SLC6A3: variants seen among roughly 807,000 people sequenced by gnomAD.
SLC6A3 encodes the protein solute carrier family 6 member 3, also known as sodium-dependent dopamine transporter.
SLC6A3 carries 19 observed loss-of-function variants against 70.4 expected under a neutral mutation model. The ratio of observed to expected loss-of-function variants is 0.27; its 90% CI spans 0.19 to 0.40. SLC6A3 has a LOEUF of 0.40. SLC6A3 is among the 10% of genes least tolerant of loss of function. SLC6A3 has a pLI of 1.00. For synonymous variants in SLC6A3, 368 were observed against 356.6 expected, an observed-to-expected ratio of 1.03 and a Z score of -0.36; for missense variants, 613 against 838.5, an observed-to-expected ratio of 0.73 and a Z score of 3.32.
chr5:1,409,983 GT>G (rs1285414507), intron 9 of SLC6A3, 134 bp from the exon 10 acceptor site: 1 of 1,126,416 alleles, frequency 8.9e-7, no homozygotes, highest in Non-Finnish European at 1.3e-6. Flanking sequence ...GCCGTCCAGG[GT>G]GCAGGATGCC....
chr5:1,414,351 G>C (rs572793759), intron 8 of SLC6A3, among the ~76,000 whole-genome samples: 2 of 125,604 alleles, frequency 1.6e-5, no homozygotes, highest in Non-Finnish European at 3.5e-5. Context: ...AGGTTCCCCA[G>C]CCCAGGGTGG....
chr5:1,441,041 G>A (rs888786583), intron 3 of SLC6A3, among the ~76,000 whole-genome samples: 2 of 152,226 alleles, frequency 1.3e-5, no homozygotes, highest in East Asian at 1.9e-4. Context: ...GATGATTGAC[G>A]GATGGACCGA....
rs28363150 is a variant in SLC6A3 at position 1,400,730 on chromosome 5, C to T, written c.1839+185G>A. 0.015 allele frequency among the ~76,000 whole-genome samples: 2,321 copies of T among 152,288 alleles called. 33 individuals are homozygous for T. The highest frequency in any genetic ancestry group is 0.037 in the Middle Eastern group (11 of 294). ...CAGGGCCCCTGCGTCATGTGCCCCC[C>T]GTCCCGGGCACACGTCTCCACTGTC... is the stretch of plus-strand genomic sequence containing the variant. On this transcript the variant is annotated intron_variant, in intron 14 of 14. Transcript: ENST00000270349.
chr5:1,418,259 A>C (rs37020), intron 6 of SLC6A3, among the ~76,000 whole-genome samples: 80,647 of 152,000 alleles, frequency 0.53, 22,140 homozygotes, highest in South Asian at 0.67. Flanking sequence ...CCAGTGCCAC[A>C]CCAGAGCCAG....
chr5:1,419,936 T>G (rs1165512722), intron 6 of SLC6A3, among the ~76,000 whole-genome samples: 1 of 152,074 alleles, frequency 6.6e-6, no homozygotes. Context: ...TCCTTCCCAC[T>G]TCTGCCTTGG....
intron 6 of SLC6A3, chr5:1,416,627 C>A: frequency 3.0e-6 from 1 of 329,074 alleles, no homozygotes; most frequent in Non-Finnish European, 5.9e-6. Flanking sequence ...ACAGCACGGA[C>A]TCACCCACAC....
intron 6 of SLC6A3, among the ~76,000 whole-genome samples, chr5:1,419,063 C>T (rs1310778879): frequency 6.6e-6 from 1 of 150,624 alleles, no homozygotes; most frequent in Non-Finnish European, 1.5e-5. Flanking sequence ...ATCATCCATC[C>T]ATTATCCATC....
In SLC6A3 at chr5:1,436,468, C is replaced by T. The variant is rs1005824690; in HGVS notation, c.419-3770G>A. On this transcript the variant is annotated intron_variant, in intron 3 of 14. Transcript: ENST00000270349. The surrounding 1 kb of genome is among the most constrained non-coding windows in gnomAD (Gnocchi z 5.2). ...AGGGAAAACATTCATGAGAACATGGCGCTTCCCTTCCCTCCTGTCTGACTC... is the reference window on the plus strand; with the variant it reads ...AGGGAAAACATTCATGAGAACATGGTGCTTCCCTTCCCTCCTGTCTGACTC... Among the ~76,000 whole-genome samples the T allele has an allele frequency of 3.9e-5, 6 of 152,180 alleles. No individual in the cohort carries two copies. The highest frequency in any genetic ancestry group is 5.9e-5 in the Non-Finnish European group (4 of 68,032).
rs1756836334 is a variant in SLC6A3, at chr5:1,436,377, C to A, written c.419-3679G>T. Among the ~76,000 whole-genome samples the A allele has an allele frequency of 6.6e-6, 1 of 152,160 alleles. No individual in the cohort carries two copies. The highest frequency in any genetic ancestry group is 6.5e-5 in the Admixed American group (1 of 15,272). Reference sequence around the variant, plus strand: ...CTTCACCTGACACATTTCTTAAACACCATTTAGTGACACGGGAGACTGTCT... The same window carrying A: ...CTTCACCTGACACATTTCTTAAACAACATTTAGTGACACGGGAGACTGTCT... On this transcript the variant is annotated intron_variant, in intron 3 of 14. Transcript: ENST00000270349. This position sits in a 1 kb window ranked among gnomAD's most constrained non-coding sequence, Gnocchi z 5.2.
rs148404264 is a variant in SLC6A3 at position 1,428,485 on chromosome 5, C to T, written c.653+3979G>A. ...CTGTGTTGGGGTTTTGAAATGAAAA[C>T]ACAGCATATCAAATGTGTGGGATGC... is the stretch of plus-strand genomic sequence containing the variant. On this transcript the variant is annotated intron_variant, in intron 4 of 14. Coordinates refer to ENST00000270349, the MANE Select transcript of SLC6A3 (RefSeq NM_001044.5). Among the ~76,000 whole-genome samples, 247 of 152,278 alleles carry T rather than the reference C, an allele frequency of 1.6e-3. 1 individual carries two copies. The highest frequency in any genetic ancestry group is 2.9e-3 in the Non-Finnish European group (194 of 68,020).
At chr5:1,416,418 TG>T in intron 6 of SLC6A3, 1 of 611,130 alleles carries the variant, frequency 1.6e-6, no homozygotes, top group East Asian at 2.8e-5. Flanking sequence ...AGCAGGGGGC[TG>T]TCTGTGTTCA....
rs1755885971 is a variant in SLC6A3, at chr5:1,402,986, G to A, written c.1703C>T (p.Ser568Phe). The change falls in exon 13 of 15, where the codon TCC becomes TTC. Residue 568 changes from serine (S) to phenylalanine (F), a missense_variant. Ser to Phe is a radical substitution (Grantham distance 155, BLOSUM62 -2). Around this residue, in one of 4 missense-constraint regions of SLC6A3, gnomAD observed 348 missense variants for 481.2 expected, o/e 0.72. Coordinates refer to ENST00000270349, the MANE Select transcript of SLC6A3 (RefSeq NM_001044.5). The surrounding 1 kb of genome is among the most constrained non-coding windows in gnomAD (Gnocchi z 8.5). The part of the protein sequence containing the change: ...NALGWVIATS[S>F]MAMVPIYAAY... The stretch of plus-strand genomic sequence containing the variant: ...CGCATAGATGGGCACCATGGCCATG[G>A]AGGATGTGGCGATGACCCAGCCCAG... The A allele has an allele frequency of 6.2e-7, 1 of 1,614,128 alleles. No individual in the cohort carries two copies. The highest frequency in any genetic ancestry group is 8.5e-7 in the Non-Finnish European group (1 of 1,180,026).
rs1437229333 is a variant in SLC6A3 at position 1,442,934 on chromosome 5, G to A, written c.264C>T (p.Tyr88=). The A allele has an allele frequency of 1.9e-6, 3 of 1,614,222 alleles. No homozygotes were observed. The highest frequency in any genetic ancestry group is 2.2e-5 in the East Asian group (1 of 44,874). Residue 88 remains tyrosine (Y), a synonymous_variant, in exon 2 of 15, where the codon TAC becomes TAT. Transcript: ENST00000270349. The surrounding 1 kb of genome is among the most constrained non-coding windows in gnomAD (Gnocchi z 5.0). ...VDLANVWRFP[Y]LCYKNGGGAF... ...TACCGCCACCATTTTTGTAGCACAG[G>A]TAGGGGAACCGCCAGACGTTGGCCA...
chr5:1,431,148 G>A (rs1397396550), intron 4 of SLC6A3, among the ~76,000 whole-genome samples: 2 of 152,232 alleles, frequency 1.3e-5, no homozygotes, highest in South Asian at 2.1e-4. Context: ...CCCCAGGCCC[G>A]GCTGGCGAGG....
chr5:1,441,549 G>T lies in SLC6A3; in HGVS notation c.287-59C>A, dbSNP rs193138805. ...CTCGGAAGGGCCCATCTCTCCTCGT[G>T]GGAGCTTGGGCGGCTACCCCAGTCA... On this transcript the variant is annotated intron_variant, in intron 2 of 14. Transcript: ENST00000270349. 4.7e-4 allele frequency: 749 copies of T among 1,589,934 alleles called. 4 individuals are homozygous for T. In the African/African-American group the frequency reaches 6.8e-3, roughly 14 times the overall value.
chr5:1,417,349 C>T (rs1560915244), intron 6 of SLC6A3, among the ~76,000 whole-genome samples: 1 of 152,222 alleles, frequency 6.6e-6, no homozygotes, highest in African/African-American at 2.4e-5. Context: ...GATGGCAGCA[C>T]CCTGATAACC....
chr5:1,422,946 G>A (rs1196653734), intron 4 of SLC6A3, among the ~76,000 whole-genome samples: 4 of 61,684 alleles, frequency 6.5e-5, no homozygotes, highest in Non-Finnish European at 5.6e-5. Context: ...TGCTGCCCAC[G>A]CTGCTGGGTG....
Position 1,435,186 on chromosome 5 carries a change from C to T in SLC6A3, c.419-2488G>A, listed in dbSNP as rs115238741. ...AAATAATTCTATATTACCGTCTGTC[C>T]GGAGTCCCTTAGGAGAGAGGCTGGG... On this transcript the variant is annotated intron_variant, in intron 3 of 14. Transcript: ENST00000270349. Among the ~76,000 whole-genome samples the T allele has an allele frequency of 4.1e-3, 629 of 152,300 alleles. 9 individuals carry two copies. The highest frequency in any genetic ancestry group is 0.014 in the African/African-American group (592 of 41,560).
intron 3 of SLC6A3, among the ~76,000 whole-genome samples, chr5:1,435,211 G>A (rs72763595): frequency 6.6e-6 from 1 of 152,216 alleles, no homozygotes; most frequent in South Asian, 2.1e-4. Context: ...GAGAGGCTGG[G>A]TTGTGATCCA....
Sources: allele counts gnomAD v4.1 joint callset (sites outside exome capture counted in the v4.1 genomes callset), GRCh38; gene constraint gnomAD v4.1.1; regional missense constraint gnomAD v4.1.1; non-coding constraint Gnocchi (gnomAD v3.1); transcripts MANE v1.5; gene names NCBI Gene and HGNC (gene_info 2026-07-23, HGNC 2026-07-21).